Variants in EPG5 observed in about 807,000 individuals in gnomAD.
EPG5 encodes the protein ectopic P granules protein 5 homolog.
EPG5 carries 159 observed loss-of-function variants against 302.7 expected under a neutral mutation model. That is an observed-to-expected ratio of 0.53 (90% CI 0.46 to 0.60). EPG5 has a LOEUF of 0.60. Among genes scored for constraint, EPG5 ranks in the 20% least tolerant of loss-of-function variants. The pLI, the probability that EPG5 is intolerant of heterozygous loss-of-function variation, is 0.00. For missense variants in EPG5, 2,896 were observed against 3,092.4 expected (o/e 0.94, Z 1.51); for synonymous variants, 1,158 against 1,136.8 (o/e 1.02, Z -0.37).
At chr18:45,886,658 T>C (rs1420696216) in intron 29 of EPG5, among the ~76,000 whole-genome samples, 1 of 152,142 alleles carries the variant, frequency 6.6e-6, no homozygotes, top group Non-Finnish European at 1.5e-5. Context: ...ATAATAAGCA[T>C]ACATTAATTT....
the EPG5 span, among the ~76,000 whole-genome samples, chr18:45,817,456 T>C: frequency 1.5e-4 from 23 of 152,384 alleles, no homozygotes; most frequent in East Asian, 5.8e-4. Context: ...ACATTTATTT[T>C]ATAATTCTGT....
At position 45,898,087 on chromosome 18, in the gene EPG5, C is replaced by T. The variant is rs115107314; in HGVS notation, c.4809+1317G>A. 1.2e-3 allele frequency among the ~76,000 whole-genome samples: 182 copies of T among 152,298 alleles called. 1 individual carries two copies. The highest frequency in any genetic ancestry group is 4.2e-3 in the African/African-American group (175 of 41,576). On this transcript the variant is annotated intron_variant, in intron 27 of 43. Transcript: ENST00000282041. Reference sequence around the variant, plus strand: ...TTAATGAACACAGGCTGGCCGGGTGCGGTGGCTCAGGCCTGCAATACCAGC... The same window carrying T: ...TTAATGAACACAGGCTGGCCGGGTGTGGTGGCTCAGGCCTGCAATACCAGC...
chr18:45,818,978 C>A, the EPG5 span, among the ~76,000 whole-genome samples: 30 of 152,140 alleles, frequency 2.0e-4, no homozygotes, highest in Non-Finnish European at 3.4e-4. Context: ...AAATGATCCA[C>A]CCGCCTTGGC....
chr18:45,804,517 G>A, the EPG5 span, among the ~76,000 whole-genome samples: 1 of 152,222 alleles, frequency 6.6e-6, no homozygotes, highest in Admixed American at 6.5e-5. Flanking sequence ...AAAGCATGCA[G>A]AGAAAAACAG....
intron 23 of EPG5, among the ~76,000 whole-genome samples, chr18:45,909,915 G>A (rs951146161): frequency 3.3e-5 from 5 of 152,260 alleles, no homozygotes; most frequent in Admixed American, 1.3e-4. Flanking sequence ...CACTATAATC[G>A]TGCCTATGAA....
At chr18:45,811,874 T>C in the EPG5 span, among the ~76,000 whole-genome samples, 1 of 152,166 alleles carries the variant, frequency 6.6e-6, no homozygotes, top group Non-Finnish European at 1.5e-5. Context: ...GGATGCCCTC[T>C]CTCACCACTC....
chr18:45,806,254 C>G, the EPG5 span, among the ~76,000 whole-genome samples: 1 of 152,056 alleles, frequency 6.6e-6, no homozygotes, highest in East Asian at 1.9e-4. Flanking sequence ...TAAAGGAAAA[C>G]TATTTTTACC....
rs772420839 is a variant in EPG5, at chr18:45,955,064, A to C, written c.338T>G (p.Val113Gly). 3.1e-6 allele frequency: 5 copies of C among 1,614,024 alleles called. No individual in the cohort carries two copies. In the African/African-American group the frequency reaches 6.7e-5, roughly 22 times the overall value. The change falls in exon 2 of 44, where the codon GTG becomes GGG. Residue 113 changes from valine to glycine, a missense_variant. Physicochemically the swap from Val to Gly is moderately radical, Grantham distance 109. Coordinates refer to ENST00000282041, the MANE Select transcript of EPG5 (RefSeq NM_020964.3). ...CTTTGGAGTGACTGCACTGTCCCCC[A>C]CACAGGGTCTGGCCTCTCCCCCTTC... ...PKEGGEARPC[V>G]GDSAVTPKVH...
intron 35 of EPG5, among the ~76,000 whole-genome samples, chr18:45,874,968 C>G (rs1361680424): frequency 1.3e-5 from 2 of 152,184 alleles, no homozygotes; most frequent in African/African-American, 4.8e-5. Flanking sequence ...GGACTATATT[C>G]TTACTGAAAG....
chr18:45,857,714 CTT>C, intron 42 of EPG5, 137 bp downstream of exon 42: 90 of 419,918 alleles, frequency 2.1e-4, no homozygotes, highest in East Asian at 4.3e-4. Context: ...TTTTTTTTTT[CTT>C]TTTTTTTTTC....
chr18:45,889,020 T>C (rs1005490292), intron 28 of EPG5, among the ~76,000 whole-genome samples: 1 of 152,210 alleles, frequency 6.6e-6, no homozygotes, highest in Non-Finnish European at 1.5e-5. Context: ...CACACCTTTT[T>C]GTGTCCCTTT....
intron 29 of EPG5, among the ~76,000 whole-genome samples, chr18:45,885,182 T>C (rs933606625): frequency 2.0e-5 from 3 of 151,950 alleles, no homozygotes; most frequent in African/African-American, 4.8e-5. Context: ...CTACTAAAAA[T>C]ACAAAAATTA....
intron 23 of EPG5, among the ~76,000 whole-genome samples, chr18:45,909,957 T>A (rs2049853009): frequency 6.6e-6 from 1 of 152,108 alleles, no homozygotes; most frequent in Non-Finnish European, 1.5e-5. Flanking sequence ...GGCAACATAG[T>A]GAGACACTCC....
rs755290902 is a variant in EPG5, at chr18:45,948,579, G to A, written c.1498-3C>T. Reference sequence around the variant, plus strand: ...GATGGGTTATGCAACACTTTGATCTGAAATCAGAAAAGCAAAAAGCATACT... The same window carrying A: ...GATGGGTTATGCAACACTTTGATCTAAAATCAGAAAAGCAAAAAGCATACT... On this transcript the variant is annotated splice_polypyrimidine_tract_variant and splice_region_variant and intron_variant, in intron 5 of 43. Transcript: ENST00000282041. The A allele has an allele frequency of 6.2e-7, 1 of 1,612,132 alleles. No homozygotes were observed. The highest frequency in any genetic ancestry group is 1.7e-5 in the Admixed American group (1 of 60,008).
intron 5 of EPG5, 85 bp from the exon 6 acceptor site, chr18:45,948,661 A>G (rs2050839845): frequency 2.8e-6 from 3 of 1,090,856 alleles, no homozygotes; most frequent in African/African-American, 1.6e-5. Context: ...TTCTGACCAA[A>G]GTTGCTGTTA....
intron 2 of EPG5, 72 bp downstream of exon 2, chr18:45,954,322 G>T: frequency 1.4e-6 from 2 of 1,384,784 alleles, no homozygotes; most frequent in Non-Finnish European, 2.0e-6. Flanking sequence ...GTAAGGCACA[G>T]ACTCCAGACC....
chr18:45,957,715 C>A (rs889068333), intron 1 of EPG5, among the ~76,000 whole-genome samples: 1 of 152,200 alleles, frequency 6.6e-6, no homozygotes, highest in Non-Finnish European at 1.5e-5. Context: ...ACTGTGTGTG[C>A]ATGTGTGTGT....
intron 16 of EPG5, among the ~76,000 whole-genome samples, chr18:45,919,658 G>A (rs1232846840): frequency 2.0e-5 from 3 of 151,890 alleles, no homozygotes; most frequent in Admixed American, 1.3e-4. Flanking sequence ...GACTACAGGC[G>A]CCCGCCACCA....
chr18:45,822,926 A>C, the EPG5 span, among the ~76,000 whole-genome samples: 6 of 152,308 alleles, frequency 3.9e-5, no homozygotes, highest in East Asian at 1.2e-3. Context: ...GTGCTTGGTG[A>C]GGGAGACGTA....
Sources: allele counts gnomAD v4.1 joint callset (sites outside exome capture counted in the v4.1 genomes callset), GRCh38; gene constraint gnomAD v4.1.1; transcripts MANE v1.5; gene names NCBI Gene and HGNC (gene_info 2026-07-23, HGNC 2026-07-21).